The following TRIO variants were observed in gnomAD, a reference collection of about 807,000 sequenced individuals.
TRIO encodes triple functional domain protein.
TRIO carries 58 observed loss-of-function variants against 351.9 expected under a neutral mutation model. The ratio of observed to expected loss-of-function variants is 0.16; its 90% CI spans 0.13 to 0.21. The LOEUF is 0.21. Ranked by LOEUF, TRIO falls within the 10% of genes least tolerant of loss-of-function variation. The pLI, the probability that TRIO is intolerant of heterozygous loss-of-function variation, is 1.00. For missense variants in TRIO, 3,201 were observed against 4,027.8 expected, an observed-to-expected ratio of 0.79 and a Z score of 5.56; for synonymous variants, 1,758 against 1,595.7, an observed-to-expected ratio of 1.10 and a Z score of -2.42.
intron 1 of TRIO, among the ~76,000 whole-genome samples, chr5:14,207,973 A>G (rs1336243396): frequency 6.6e-6 from 1 of 152,150 alleles, no homozygotes; most frequent in African/African-American, 2.4e-5. Flanking sequence ...AAATACCACT[A>G]CTCACTTAGA....
chr5:14,218,739 C>A (rs1792384564), intron 1 of TRIO, among the ~76,000 whole-genome samples: 2 of 152,228 alleles, frequency 1.3e-5, no homozygotes, highest in Admixed American at 6.5e-5. Flanking sequence ...CAGGGCTATA[C>A]CCGGCTGCTG....
At chr5:14,329,180 C>T (rs549511618) in intron 9 of TRIO, among the ~76,000 whole-genome samples, 1 of 152,342 alleles carries the variant, frequency 6.6e-6, no homozygotes, top group South Asian at 2.1e-4. Context: ...TTTATTTTGC[C>T]ATTAGCAGAG....
chr5:14,381,295 A>G lies in TRIO; in HGVS notation c.3570+43A>G, dbSNP rs759195495. On this transcript the variant is annotated intron_variant, in intron 21 of 56. Transcript: ENST00000344204. ...TTTGTATAGTGGCCTCTAAGTCGAA[A>G]GCGAGTCTTCAAAAATATCATAAAG... 6 of 1,547,454 alleles carry G rather than the reference A, an allele frequency of 3.9e-6. No homozygotes were observed. In the African/African-American group the frequency reaches 8.3e-5, roughly 21 times the overall value.
Position 14,211,861 on chromosome 5 carries a change from A to G in TRIO, c.158-58964A>G, listed in dbSNP as rs531524358. On this transcript the variant is annotated intron_variant, in intron 1 of 56. Coordinates refer to ENST00000344204, the MANE Select transcript of TRIO (RefSeq NM_007118.4). The stretch of plus-strand genomic sequence containing the variant: ...TGCCATGGCTCACATCTGTAATCCC[A>G]TCAACTTTGAGAGGCCAAAGTAGAA... Among the ~76,000 whole-genome samples, 7 of 152,126 alleles carry G rather than the reference A, an allele frequency of 4.6e-5. No individual in the cohort carries two copies. In the East Asian group the frequency reaches 1.4e-3, roughly 29 times the overall value.
At chr5:14,289,655 G>C (rs573504964) in intron 4 of TRIO, among the ~76,000 whole-genome samples, 1 of 151,968 alleles carries the variant, frequency 6.6e-6, no homozygotes, top group Admixed American at 6.5e-5. Flanking sequence ...TGAAACCAGC[G>C]TGACCAACAT....
At chr5:14,150,645 C>A (rs1285709508) in intron 1 of TRIO, among the ~76,000 whole-genome samples, 1 of 152,194 alleles carries the variant, frequency 6.6e-6, no homozygotes, top group Non-Finnish European at 1.5e-5. Flanking sequence ...TATTCAGCCT[C>A]ACTCATAATC....
At chr5:14,373,177 T>G (rs1052539304) in intron 18 of TRIO, among the ~76,000 whole-genome samples, 1 of 152,182 alleles carries the variant, frequency 6.6e-6, no homozygotes, top group African/African-American at 2.4e-5. Context: ...TTTCTACCGC[T>G]GACATGTGGA....
intron 8 of TRIO, among the ~76,000 whole-genome samples, chr5:14,315,783 T>G (rs1431016985): frequency 6.6e-6 from 1 of 152,214 alleles, no homozygotes; most frequent in Non-Finnish European, 1.5e-5. Flanking sequence ...ATACATAATG[T>G]TTTTCTTTCT....
rs201359759 is a variant in TRIO, at chr5:14,366,922, G to C, written c.2817G>C (p.Ser939=). 1.5e-5 allele frequency: 24 copies of C among 1,614,068 alleles called. No homozygotes were observed. Among genetic ancestry groups the C allele is most frequent in the East Asian group, 2.2e-5 (1 of 44,882 alleles). ...ATGCCGGACTTATCACAGCCAGCTC[G>C]TTACAAGAGGCAGAGCAGCTCCAGC... ...MLNAGLITAS[S]LQEAEQLQRE... is the part of the protein sequence containing the mutation. Residue 939 remains serine, a synonymous_variant, in exon 16 of 57, where the codon TCG becomes TCC. Transcript: ENST00000344204.
At chr5:14,255,764 TTTGA>T (rs1794990220) in intron 1 of TRIO, among the ~76,000 whole-genome samples, 1 of 152,208 alleles carries the variant, frequency 6.6e-6, no homozygotes, top group African/African-American at 2.4e-5. Context: ...TTTGATGTGC[TTTGA>T]TTGAGACCTG....
chr5:14,276,791 G>A (rs1296306069), intron 2 of TRIO, among the ~76,000 whole-genome samples: 1 of 152,224 alleles, frequency 6.6e-6, no homozygotes, highest in Non-Finnish European at 1.5e-5. Context: ...TAAAGAGAAA[G>A]AGGTGATTGT....
intron 1 of TRIO, among the ~76,000 whole-genome samples, chr5:14,172,415 G>T (rs1789151937): frequency 6.6e-6 from 1 of 152,206 alleles, no homozygotes; most frequent in African/African-American, 2.4e-5. Context: ...CATCTCAGAA[G>T]CAGTGGCTCC....
At chr5:14,365,397 CAG>C (rs1483926899) in intron 15 of TRIO, among the ~76,000 whole-genome samples, 1 of 152,144 alleles carries the variant, frequency 6.6e-6, no homozygotes, top group Admixed American at 6.5e-5. Flanking sequence ...AGAAAGCAAA[CAG>C]AAAGTAAGTT....
At chr5:14,173,190 CTTTTTTTTTTT>C (rs758636385) in intron 1 of TRIO, among the ~76,000 whole-genome samples, 9 of 66,518 alleles carry the variant, frequency 1.4e-4, no homozygotes, top group African/African-American at 3.8e-4. Flanking sequence ...TTGTATGTTC[CTTTTTTTTTTT>C]TTTTTTTTTT....
At chr5:14,432,911 C>T (rs552706916) in intron 34 of TRIO, among the ~76,000 whole-genome samples, 2 of 152,274 alleles carry the variant, frequency 1.3e-5, no homozygotes, top group African/African-American at 2.4e-5. Context: ...TGAATTTTAG[C>T]CCTATATCTC....
intron 34 of TRIO, among the ~76,000 whole-genome samples, chr5:14,444,527 T>TG (rs1242362176): frequency 2.6e-5 from 4 of 152,224 alleles, no homozygotes; most frequent in African/African-American, 9.7e-5. Context: ...CACCCCTACC[T>TG]GTGTGATCTT....
At chr5:14,449,935 A>G (rs1380958802) in intron 34 of TRIO, among the ~76,000 whole-genome samples, 1 of 152,256 alleles carries the variant, frequency 6.6e-6, no homozygotes, top group Non-Finnish European at 1.5e-5. Flanking sequence ...AGACCTTTAA[A>G]ATGAAATGGT....
Position 14,509,241 on chromosome 5 carries a change from G to A in TRIO, c.*819G>A. 2.8e-6 allele frequency: 1 copy of A among 351,288 alleles called. No individual in the cohort carries two copies. Among genetic ancestry groups the A allele is most frequent in the South Asian group, 2.1e-5 (1 of 46,540 alleles). 21.8% of individuals were successfully genotyped at this position (351,288 alleles called of 1,614,324 possible). ...AAAATACTGTAAATGCACTCATTGG[G>A]GGTTTTTTGGTTTTACTTCATATCA... On this transcript the variant is annotated 3_prime_UTR_variant, in exon 57 of 57. Coordinates refer to ENST00000344204, the MANE Select transcript of TRIO (RefSeq NM_007118.4).
intron 33 of TRIO, 52 bp from the exon 34 acceptor site, chr5:14,419,726 G>C: frequency 6.3e-7 from 1 of 1,595,518 alleles, no homozygotes. Context: ...GTACCTGAAG[G>C]CACCATGGCT....
Sources: gnomAD v4.1 joint callset for allele counts (sites outside exome capture counted in the v4.1 genomes callset) on GRCh38, gnomAD v4.1.1 for gene constraint, MANE v1.5 for transcripts, NCBI Gene and HGNC (gene_info 2026-07-23, HGNC 2026-07-21) for gene names.